KLF8: variants seen among roughly 807,000 people sequenced by gnomAD.
KLF8 encodes Krueppel-like factor 8.
A neutral mutation model predicts 18.2 loss-of-function variants in KLF8; 10 were observed. The ratio of observed to expected loss-of-function variants is 0.55; its 90% CI spans 0.34 to 0.93. The LOEUF (loss-of-function observed/expected upper bound fraction) is 0.93, where lower values mean the gene tolerates loss of function less well. KLF8 is among the 40% of genes least tolerant of loss of function. The probability of loss-of-function intolerance (pLI) is 0.02; values close to 1 mark genes in which losing one functional copy is unlikely to be tolerated. For synonymous variants in KLF8, 109 were observed against 97.3 expected, an observed-to-expected ratio of 1.12 and a Z score of -0.71; for missense variants, 264 against 277.9, an observed-to-expected ratio of 0.95 and a Z score of 0.36.
chrX:56,052,076 C>T, the KLF8 span, among the ~76,000 whole-genome samples: 2 of 111,987 alleles, frequency 1.8e-5, no homozygotes, highest in East Asian at 5.6e-4. Flanking sequence ...CCTGAGGCTT[C>T]TGCATTATTC....
chrX:55,928,727 T>C, the KLF8 span, among the ~76,000 whole-genome samples: 1 of 112,312 alleles, frequency 8.9e-6, no homozygotes, highest in African/African-American at 3.2e-5. Flanking sequence ...CTCATAGTAT[T>C]CCATGGTGTA....
the KLF8 span, among the ~76,000 whole-genome samples, chrX:56,079,100 G>C: frequency 9.0e-6 from 1 of 110,919 alleles, no homozygotes; most frequent in East Asian, 2.8e-4. Flanking sequence ...CCAGCTCCTG[G>C]ACTCATTAAT....
the KLF8 span, among the ~76,000 whole-genome samples, chrX:55,994,061 C>T: frequency 1.6e-4 from 17 of 109,308 alleles, no homozygotes; most frequent in Admixed American, 6.9e-4. Flanking sequence ...CAGGTGCATA[C>T]CACCATGTCC....
At chrX:55,964,287 G>A in the KLF8 span, among the ~76,000 whole-genome samples, 1 of 112,131 alleles carries the variant, frequency 8.9e-6, no homozygotes, top group Admixed American at 9.4e-5. Context: ...GAATGAAATT[G>A]AGATGCAAAA....
the KLF8 span, among the ~76,000 whole-genome samples, chrX:56,159,145 CAT>C: frequency 8.9e-6 from 1 of 112,037 alleles, no homozygotes; most frequent in Non-Finnish European, 1.9e-5. Context: ...TTGAGACAAT[CAT>C]ATGATTTTTG....
the KLF8 span, among the ~76,000 whole-genome samples, chrX:56,175,400 A>T: frequency 2.7e-5 from 3 of 111,521 alleles, no homozygotes; most frequent in Non-Finnish European, 5.6e-5. Flanking sequence ...CATGTAGTTG[A>T]GTGGCTTTGA....
the KLF8 span, among the ~76,000 whole-genome samples, chrX:56,110,548 T>G: frequency 3.6e-5 from 4 of 111,931 alleles, no homozygotes; most frequent in Non-Finnish European, 7.5e-5. Context: ...CCTCTAATAC[T>G]GACTTTTTTG....
the KLF8 span, among the ~76,000 whole-genome samples, chrX:56,185,417 C>T: frequency 3.0e-3 from 334 of 111,967 alleles, no homozygotes; most frequent in African/African-American, 0.01. Flanking sequence ...CTGAAAGTGA[C>T]GGGGAGAATG....
the KLF8 span, among the ~76,000 whole-genome samples, chrX:56,185,558 A>G: frequency 9.0e-6 from 1 of 111,525 alleles, no homozygotes; most frequent in Non-Finnish European, 1.9e-5. Flanking sequence ...GAGCAACTCC[A>G]AGACACATAA....
chrX:56,062,497 T>G, the KLF8 span, among the ~76,000 whole-genome samples: 1 of 111,706 alleles, frequency 9.0e-6, no homozygotes, highest in Non-Finnish European at 1.9e-5. Context: ...TCTTTAAGAG[T>G]GTTAAATATT....
intron 3 of KLF8, chrX:56,266,846 G>GA (rs1203745874): frequency 6.6e-6 from 5 of 752,075 alleles, no homozygotes; most frequent in African/African-American, 4.6e-5. Flanking sequence ...GTAGGAGGCT[G>GA]AAAAACAACA....
At chrX:55,934,019 A>AAAC in the KLF8 span, among the ~76,000 whole-genome samples, 2 of 112,045 alleles carry the variant, frequency 1.8e-5, no homozygotes, top group African/African-American at 6.5e-5. Context: ...AAAAAGTAAA[A>AAAC]AACAACAAAC....
chrX:55,992,201 A>G, the KLF8 span, among the ~76,000 whole-genome samples: 3 of 112,412 alleles, frequency 2.7e-5, no homozygotes, highest in Middle Eastern at 4.6e-3. Flanking sequence ...TTATATTCCT[A>G]GGATTTTTCC....
At chrX:56,110,573 G>C in the KLF8 span, among the ~76,000 whole-genome samples, 1 of 111,264 alleles carries the variant, frequency 9.0e-6, no homozygotes, top group African/African-American at 3.3e-5. Flanking sequence ...ATTTTTTCTA[G>C]TGTATTATTT....
chrX:56,184,119 C>A, the KLF8 span, among the ~76,000 whole-genome samples: 332 of 112,382 alleles, frequency 3.0e-3, no homozygotes, highest in African/African-American at 0.01. Context: ...CTTTCCTAGT[C>A]AAAGAAAGGG....
At chrX:56,028,701 C>G in the KLF8 span, among the ~76,000 whole-genome samples, 1 of 111,407 alleles carries the variant, frequency 9.0e-6, no homozygotes, top group African/African-American at 3.3e-5. Context: ...GAAGCTGAGT[C>G]CAAGTGTACT....
chrX:56,030,930 A>G, the KLF8 span, among the ~76,000 whole-genome samples: 1 of 109,980 alleles, frequency 9.1e-6, no homozygotes, highest in East Asian at 2.9e-4. Context: ...AACTAGCTGT[A>G]ACCAGGAATC....
At chrX:56,200,731 A>G in the KLF8 span, among the ~76,000 whole-genome samples, 114 of 111,635 alleles carry the variant, frequency 1.0e-3, no homozygotes, top group African/African-American at 3.6e-3. Context: ...TGTGTTAATA[A>G]TCAAATATAT....
the KLF8 span, among the ~76,000 whole-genome samples, chrX:55,951,258 C>A: frequency 9.1e-6 from 1 of 109,814 alleles, no homozygotes; most frequent in South Asian, 4.0e-4. Context: ...GGTGGATCAC[C>A]TAAGGTCAGG....
Sources: allele counts gnomAD v4.1 joint callset (sites outside exome capture counted in the v4.1 genomes callset), GRCh38; gene constraint gnomAD v4.1.1; transcripts MANE v1.5; gene names NCBI Gene and HGNC (gene_info 2026-07-23, HGNC 2026-07-21).